The following TTC27 variants were observed in gnomAD, a reference collection of about 807,000 sequenced individuals.
TTC27 encodes the protein tetratricopeptide repeat protein 27.
In TTC27, 79 loss-of-function variants were observed where a neutral mutation model predicts 115.9. That is an observed-to-expected ratio of 0.68 (90% confidence interval 0.57 to 0.82). The LOEUF (loss-of-function observed/expected upper bound fraction) is 0.82. Among genes scored for constraint, TTC27 ranks in the 40% least tolerant of loss-of-function variants. TTC27 has a pLI of 0.00. For missense variants in TTC27, 1,054 were observed against 993.1 expected, an observed-to-expected ratio of 1.06 and a Z score of -0.82; for synonymous variants, 401 against 356.0, an observed-to-expected ratio of 1.13 and a Z score of -1.42.
intron 15 of TTC27, among the ~76,000 whole-genome samples, chr2:32,785,406 G>A (rs1670313321): frequency 6.6e-6 from 1 of 152,012 alleles, no homozygotes; most frequent in Non-Finnish European, 1.5e-5. Context: ...ATCCTGCCAT[G>A]CTCTGCATTT....
chr2:32,652,140 G>A (rs1665147589), intron 5 of TTC27, among the ~76,000 whole-genome samples: 2 of 152,114 alleles, frequency 1.3e-5, no homozygotes, highest in African/African-American at 4.8e-5. Flanking sequence ...TTGGGAGGTC[G>A]AGGCAGGTAG....
At chr2:32,648,144 T>G (rs1664936177) in intron 4 of TTC27, among the ~76,000 whole-genome samples, 1 of 152,090 alleles carries the variant, frequency 6.6e-6, no homozygotes, top group Admixed American at 6.6e-5. Context: ...CTTTTTTTTT[T>G]GAGACGGAGT....
chr2:32,723,720 C>CTCCA (rs1338011702), intron 10 of TTC27, among the ~76,000 whole-genome samples: 4 of 34,790 alleles, frequency 1.1e-4, no homozygotes, highest in South Asian at 1.5e-3. Flanking sequence ...CCCTCCCTCC[C>CTCCA]TCCCTCCCTC....
chr2:32,722,450 A>C (rs1218647360), intron 10 of TTC27, among the ~76,000 whole-genome samples: 1 of 152,198 alleles, frequency 6.6e-6, no homozygotes, highest in Admixed American at 6.5e-5. Flanking sequence ...ACTTTACTGA[A>C]CACTCATATG....
intron 12 of TTC27, among the ~76,000 whole-genome samples, chr2:32,757,598 T>C (rs1669277214): frequency 6.6e-6 from 1 of 152,268 alleles, no homozygotes; most frequent in African/African-American, 2.4e-5. Flanking sequence ...CATATCTCTG[T>C]GTTAGCATTT....
intron 4 of TTC27, among the ~76,000 whole-genome samples, chr2:32,641,694 T>G (rs1021532654): frequency 2.2e-4 from 34 of 152,094 alleles, no homozygotes; most frequent in Non-Finnish European, 1.9e-4. Context: ...CTTTTTTTTT[T>G]CGAGATGGAG....
chr2:32,809,840 C>T (rs752720571), intron 16 of TTC27, among the ~76,000 whole-genome samples: 11 of 152,228 alleles, frequency 7.2e-5, no homozygotes, highest in East Asian at 3.9e-4. Context: ...GAAGTTAGGC[C>T]GGGCGCAGTG....
intron 4 of TTC27, among the ~76,000 whole-genome samples, chr2:32,644,442 G>C (rs1406244104): frequency 6.6e-6 from 1 of 151,986 alleles, no homozygotes. Flanking sequence ...TGGAATACTA[G>C]TTGTAGATGT....
At chr2:32,712,239 A>C (rs1342021855) in intron 10 of TTC27, among the ~76,000 whole-genome samples, 1 of 152,248 alleles carries the variant, frequency 6.6e-6, no homozygotes, top group Non-Finnish European at 1.5e-5. Flanking sequence ...TAAATAAATC[A>C]TGATTATAAG....
chr2:32,628,413 C>G (rs778228456), intron 1 of TTC27, 33 bp downstream of exon 1: 1 of 1,523,764 alleles, frequency 6.6e-7, no homozygotes, highest in African/African-American at 1.4e-5. Flanking sequence ...CTTAGGCTAT[C>G]GTGGGAACTG....
Position 32,728,688 on chromosome 2 carries a change from C to T in TTC27, c.1234-5140C>T, listed in dbSNP as rs183564138. Among the ~76,000 whole-genome samples the T allele has an allele frequency of 3.3e-5, 5 of 152,264 alleles. No individual in the cohort carries two copies. The East Asian group carries it at 5.8e-4, about 18-fold the overall frequency. ...AGTCTGACAGGCTCACCTATTTCAT[C>T]GCCTTATGACTTTGGGCAAGTCATT... On this transcript the variant is annotated intron_variant, in intron 10 of 19. Coordinates refer to ENST00000317907, the MANE Select transcript of TTC27 (RefSeq NM_017735.5).
chr2:32,641,463 A>C (rs1664644790), intron 4 of TTC27, among the ~76,000 whole-genome samples: 1 of 152,214 alleles, frequency 6.6e-6, no homozygotes, highest in South Asian at 2.1e-4. Flanking sequence ...GATTTTTCCC[A>C]GTGATATAAA....
At chr2:32,786,146 G>A (rs1414708159) in intron 15 of TTC27, among the ~76,000 whole-genome samples, 1 of 151,098 alleles carries the variant, frequency 6.6e-6, no homozygotes, top group African/African-American at 2.4e-5. Flanking sequence ...TTTTAACATG[G>A]AGTCTTGCTC....
intron 1 of TTC27, among the ~76,000 whole-genome samples, chr2:32,630,053 T>C (rs1664116807): frequency 6.6e-6 from 1 of 152,160 alleles, no homozygotes; most frequent in African/African-American, 2.4e-5. Flanking sequence ...ACAGGCGATA[T>C]CACAAGTGCA....
intron 16 of TTC27, among the ~76,000 whole-genome samples, chr2:32,803,238 G>T (rs1027146176): frequency 3.3e-5 from 5 of 152,194 alleles, no homozygotes; most frequent in African/African-American, 1.2e-4. Context: ...TCAGTGAGTG[G>T]AGGGCAAAGT....
chr2:32,759,374 C>T (rs1669355926), intron 13 of TTC27, among the ~76,000 whole-genome samples: 1 of 151,984 alleles, frequency 6.6e-6, no homozygotes, highest in African/African-American at 2.4e-5. Context: ...TATTCGAATC[C>T]AGATGGTCTG....
intron 8 of TTC27, 74 bp downstream of exon 8, chr2:32,672,458 C>A: frequency 8.5e-7 from 1 of 1,171,666 alleles, no homozygotes; most frequent in Non-Finnish European, 1.3e-6. Flanking sequence ...AATCTTTATT[C>A]AAGGAGGTTC....
intron 13 of TTC27, among the ~76,000 whole-genome samples, chr2:32,766,230 A>G (rs767007000): frequency 3.3e-5 from 5 of 152,122 alleles, no homozygotes; most frequent in African/African-American, 7.2e-5. Context: ...CAATACAGGT[A>G]TATGTTGTAT....
intron 15 of TTC27, among the ~76,000 whole-genome samples, chr2:32,786,156 C>T (rs1670341563): frequency 6.6e-6 from 1 of 151,674 alleles, no homozygotes; most frequent in Non-Finnish European, 1.5e-5. Flanking sequence ...GAGTCTTGCT[C>T]TGTTGCCCAG....
Sources: gnomAD v4.1 joint callset for allele counts (sites outside exome capture counted in the v4.1 genomes callset) on GRCh38, gnomAD v4.1.1 for gene constraint, MANE v1.5 for transcripts, NCBI Gene and HGNC (gene_info 2026-07-23, HGNC 2026-07-21) for gene names.